Variants in ACSF3 observed in about 807,000 individuals in gnomAD.
ACSF3 encodes the protein malonate--CoA ligase ACSF3, mitochondrial.
In ACSF3, 78 loss-of-function variants were observed where a neutral mutation model predicts 53.2. The observed-to-expected ratio is 1.47, with a 90% confidence interval of 1.22 to 1.77. ACSF3 has a LOEUF of 1.77. Ranked by LOEUF, ACSF3 falls within the 40% of genes most tolerant of loss-of-function variation. The pLI, the probability that ACSF3 is intolerant of heterozygous loss-of-function variation, is 0.00. For synonymous variants in ACSF3, 414 were observed against 333.1 expected (o/e 1.24, Z -2.65); for missense variants, 937 against 771.1 (o/e 1.22, Z -2.55).
chr16:89,103,199 T>C (rs1975574235), intron 4 of ACSF3, among the ~76,000 whole-genome samples: 1 of 152,262 alleles, frequency 6.6e-6, no homozygotes, highest in African/African-American at 2.4e-5. Context: ...ATAGTGAGAC[T>C]GGATGAGCGG....
intron 1 of ACSF3, among the ~76,000 whole-genome samples, chr16:89,097,171 G>A (rs966677100): frequency 3.9e-5 from 6 of 152,124 alleles, no homozygotes; most frequent in Non-Finnish European, 8.8e-5. Flanking sequence ...TGTGGTTAGC[G>A]TGTGCTCAGC....
At chr16:89,105,692 GGTGGCTGGTCTACCATGGTCAC>G (rs1975889934) in intron 4 of ACSF3, among the ~76,000 whole-genome samples, 1 of 152,246 alleles carries the variant, frequency 6.6e-6, no homozygotes, top group Non-Finnish European at 1.5e-5. Flanking sequence ...GGGCGCTGAC[GGTGGCTGGTCTACCATGGTCAC>G]TTGGGCAGAG....
intron 9 of ACSF3, 91 bp from the exon 10 acceptor site, chr16:89,145,847 G>T: frequency 1.8e-6 from 2 of 1,122,642 alleles, no homozygotes; most frequent in Non-Finnish European, 2.7e-6. Flanking sequence ...GCTGCGGCCA[G>T]ACTGCGCTCT....
Position 89,094,000 on chromosome 16 carries a change from C to T in ACSF3, c.-194+4C>T, listed in dbSNP as rs1326183602. 4 of 189,232 alleles carry T rather than the reference C, an allele frequency of 2.1e-5. No individual in the cohort carries two copies. The highest frequency in any genetic ancestry group is 1.7e-4 in the Admixed American group (3 of 17,972). 11.7% of individuals were successfully genotyped at this position (189,232 alleles called of 1,614,324 possible). A position where few individuals can be genotyped will look rare whatever the true frequency, so the allele number is the denominator to read the frequency against. On this transcript the variant is annotated splice_donor_region_variant and intron_variant, in intron 1 of 10. Coordinates refer to ENST00000614302, the MANE Select transcript of ACSF3 (RefSeq NM_001243279.3). ...CGTGGCCGCGGCCGTCTCGTAGGTG[C>T]GGGCGGCGGGGCCCACGGGACCGCG... is the stretch of plus-strand genomic sequence containing the variant.
chr16:89,114,878 C>G (rs556710129), intron 6 of ACSF3: 1 of 352,756 alleles, frequency 2.8e-6, no homozygotes, highest in East Asian at 7.3e-5. Flanking sequence ...CCGGGTGCCA[C>G]ACAGCGCCAG....
In ACSF3 at chr16:89,100,975, C is replaced by G. The variant is rs1439239345; in HGVS notation, c.294C>G (p.Val98=). ...GCGGGGACCTCCGGGAGGAGAGGGTCTCCTTCCTATGCGCTAACGATGCCT... is the reference window on the plus strand; with the variant it reads ...GCGGGGACCTCCGGGAGGAGAGGGTGTCCTTCCTATGCGCTAACGATGCCT... ...CVGGDLREER[V]SFLCANDASY... The change falls in exon 3 of 11, where the codon GTC becomes GTG. Residue 98 remains valine, a synonymous_variant. Coordinates refer to ENST00000614302, the MANE Select transcript of ACSF3 (RefSeq NM_001243279.3). The G allele has an allele frequency of 3.1e-6, 5 of 1,613,518 alleles. No homozygotes were observed. In the Admixed American group the frequency reaches 6.7e-5, roughly 22 times the overall value.
intron 6 of ACSF3, 131 bp from the exon 7 acceptor site, chr16:89,120,670 C>T (rs1200379673): frequency 3.5e-6 from 3 of 861,700 alleles, no homozygotes; most frequent in East Asian, 2.4e-5. Context: ...TCACAGGGCA[C>T]GTCGCTCCCT....
intron 10 of ACSF3, chr16:89,148,006 G>C (rs1913425339): frequency 6.6e-6 from 1 of 152,064 alleles, no homozygotes; most frequent in African/African-American, 2.4e-5. Context: ...TGCCAAAAGA[G>C]AGCCGCCAGC....
At chr16:89,153,810 C>T (rs1297911535) in intron 10 of ACSF3, 3 of 491,934 alleles carry the variant, frequency 6.1e-6, no homozygotes, top group Non-Finnish European at 1.1e-5. Context: ...TCTGTGCAGG[C>T]CTATCCTCAG....
At chr16:89,098,227 T>C (rs1291290561) in intron 1 of ACSF3, among the ~76,000 whole-genome samples, 1 of 152,244 alleles carries the variant, frequency 6.6e-6, no homozygotes, top group East Asian at 1.9e-4. Flanking sequence ...GTTAGACAAC[T>C]ATGAAGTGTT....
intron 7 of ACSF3, among the ~76,000 whole-genome samples, chr16:89,132,821 G>T (rs908306656): frequency 1.3e-5 from 2 of 152,236 alleles, no homozygotes; most frequent in Non-Finnish European, 2.9e-5. Flanking sequence ...GGCCTGGGCC[G>T]GTAACATGCT....
At chr16:89,111,366 T>C (rs1976656580) in intron 4 of ACSF3, among the ~76,000 whole-genome samples, 1 of 152,256 alleles carries the variant, frequency 6.6e-6, no homozygotes, top group African/African-American at 2.4e-5. Context: ...GGGGCTGGAC[T>C]GTGGCATCGG....
intron 8 of ACSF3, among the ~76,000 whole-genome samples, chr16:89,138,440 C>G (rs1453260314): frequency 6.6e-6 from 1 of 152,264 alleles, no homozygotes; most frequent in Non-Finnish European, 1.5e-5. Flanking sequence ...CCCCAAGACC[C>G]AACCAAGGCT....
chr16:89,140,551 G>A (rs1042814145), intron 8 of ACSF3, among the ~76,000 whole-genome samples: 22 of 152,202 alleles, frequency 1.4e-4, no homozygotes, highest in African/African-American at 4.1e-4. Context: ...GCAAAAGTCC[G>A]ACAGGCTGGG....
chr16:89,151,841 A>G (rs1914128393), intron 10 of ACSF3: 1 of 152,282 alleles, frequency 6.6e-6, no homozygotes, highest in Admixed American at 6.5e-5. Flanking sequence ...TCCTGACTTC[A>G]AGTAATCCTC....
chr16:89,142,510 CAG>C (rs1376624160), intron 8 of ACSF3, among the ~76,000 whole-genome samples: 2 of 151,240 alleles, frequency 1.3e-5, no homozygotes, highest in Non-Finnish European at 3.0e-5. Context: ...GCCACGCCTG[CAG>C]AGACATACCC....
intron 6 of ACSF3, among the ~76,000 whole-genome samples, chr16:89,120,162 C>A (rs111694203): frequency 2.0e-5 from 3 of 152,378 alleles, no homozygotes; most frequent in Non-Finnish European, 4.4e-5. Flanking sequence ...GCTCTGCCCC[C>A]ACCCCGGCCA....
intron 10 of ACSF3, chr16:89,151,998 T>A (rs946126972): frequency 2.0e-5 from 3 of 152,234 alleles, no homozygotes; most frequent in Admixed American, 2.0e-4. Context: ...TAACAAGCAC[T>A]CTTAGCAAAC....
At chr16:89,099,348 G>A (rs892488887) in intron 2 of ACSF3, among the ~76,000 whole-genome samples, 7 of 152,236 alleles carry the variant, frequency 4.6e-5, no homozygotes, top group Non-Finnish European at 5.9e-5. Context: ...AGTGGACGGC[G>A]GGCCCGCGCG....
Sources: gnomAD v4.1 joint callset for allele counts (sites outside exome capture counted in the v4.1 genomes callset) on GRCh38, gnomAD v4.1.1 for gene constraint, MANE v1.5 for transcripts, NCBI Gene and HGNC (gene_info 2026-07-23, HGNC 2026-07-21) for gene names.